Variants in ZMAT4 observed in about 807,000 individuals in gnomAD.
ZMAT4 encodes zinc finger matrin-type protein 4.
A neutral mutation model predicts 28.7 loss-of-function variants in ZMAT4; 17 were observed. The observed-to-expected ratio is 0.59, with a 90% CI of 0.41 to 0.89. ZMAT4 has a LOEUF of 0.89. ZMAT4 is among the 40% of genes least tolerant of loss of function. ZMAT4 has a pLI of 0.00. For synonymous variants in ZMAT4, 117 were observed against 109.2 expected, an observed-to-expected ratio of 1.07 and a Z score of -0.44; for missense variants, 240 against 283.8, an observed-to-expected ratio of 0.85 and a Z score of 1.11.
At chr8:40,670,189 A>G (rs1430169047) in intron 5 of ZMAT4, among the ~76,000 whole-genome samples, 3 of 152,228 alleles carry the variant, frequency 2.0e-5, no homozygotes, top group Non-Finnish European at 4.4e-5. Context: ...GTGCTGGTAT[A>G]AAGACAAAGA....
intron 5 of ZMAT4, among the ~76,000 whole-genome samples, chr8:40,664,035 A>T (rs1300658654): frequency 1.3e-5 from 2 of 152,142 alleles, no homozygotes; most frequent in Non-Finnish European, 2.9e-5. Context: ...GACAGTGGAG[A>T]ATGTGGAGTG....
chr8:40,640,478 C>T (rs79364006), intron 5 of ZMAT4, among the ~76,000 whole-genome samples: 9,288 of 152,226 alleles, frequency 0.061, 704 homozygotes, highest in East Asian at 0.44. Flanking sequence ...AAATGCAGCA[C>T]AAGCAGTGTC....
intron 5 of ZMAT4, among the ~76,000 whole-genome samples, chr8:40,626,752 T>C (rs1806396710): frequency 6.6e-6 from 1 of 152,068 alleles, no homozygotes; most frequent in South Asian, 2.1e-4. Context: ...AAAGCAACAC[T>C]GGGATTGCTA....
chr8:40,558,865 C>G (rs1265923685), intron 6 of ZMAT4, among the ~76,000 whole-genome samples: 1 of 152,080 alleles, frequency 6.6e-6, no homozygotes, highest in Non-Finnish European at 1.5e-5. Flanking sequence ...TTAGACACGA[C>G]AGCCAACCAA....
intron 5 of ZMAT4, among the ~76,000 whole-genome samples, chr8:40,647,361 T>A (rs1807375741): frequency 1.3e-5 from 2 of 152,202 alleles, no homozygotes; most frequent in Non-Finnish European, 1.5e-5. Context: ...TACTGCGCTT[T>A]TCTGACGGGC....
chr8:40,781,901 T>C (rs1586042210), intron 2 of ZMAT4, among the ~76,000 whole-genome samples: 1 of 151,286 alleles, frequency 6.6e-6, no homozygotes, highest in East Asian at 1.9e-4. Flanking sequence ...TGCAAAACAG[T>C]GGAGTTGGAC....
intron 1 of ZMAT4, among the ~76,000 whole-genome samples, chr8:40,866,745 T>C (rs1182396188): frequency 6.6e-6 from 1 of 151,702 alleles, no homozygotes; most frequent in African/African-American, 2.4e-5. Flanking sequence ...ACCCGGGGAG[T>C]CCTCGAGTAA....
intron 3 of ZMAT4, among the ~76,000 whole-genome samples, chr8:40,753,519 T>C (rs1812543522): frequency 6.6e-6 from 1 of 152,214 alleles, no homozygotes; most frequent in African/African-American, 2.4e-5. Flanking sequence ...GTACGATTTT[T>C]AAAAATTAAC....
intron 3 of ZMAT4, among the ~76,000 whole-genome samples, chr8:40,746,272 CCTTT>C (rs1277820028): frequency 0.011 from 982 of 90,282 alleles, 28 homozygotes; most frequent in African/African-American, 0.041. Context: ...TCCCTTCCTT[CCTTT>C]CTTTCTTTCT....
intron 1 of ZMAT4, among the ~76,000 whole-genome samples, chr8:40,887,387 G>A (rs1818495394): frequency 6.6e-6 from 1 of 151,410 alleles, no homozygotes; most frequent in Admixed American, 6.6e-5. Context: ...TACTCGGGAG[G>A]CTGAGACAAG....
At chr8:40,836,640 T>A (rs1207469949) in intron 1 of ZMAT4, among the ~76,000 whole-genome samples, 2 of 152,194 alleles carry the variant, frequency 1.3e-5, no homozygotes, top group Non-Finnish European at 2.9e-5. Flanking sequence ...ATCCTTTTTA[T>A]AAAGTCAAAA....
chr8:40,736,381 C>T (rs1469192339), intron 3 of ZMAT4, among the ~76,000 whole-genome samples: 1 of 152,224 alleles, frequency 6.6e-6, no homozygotes, highest in Non-Finnish European at 1.5e-5. Context: ...TTACCCAGAA[C>T]TCTTGCTTTC....
At chr8:40,613,177 TTTC>T (rs1226541992) in intron 5 of ZMAT4, among the ~76,000 whole-genome samples, 6 of 61,886 alleles carry the variant, frequency 9.7e-5, no homozygotes, top group Non-Finnish European at 2.1e-4. Context: ...TCTTACTTTC[TTTC>T]TTTTTTTTTT....
At chr8:40,719,279 A>G (rs1810980648) in intron 3 of ZMAT4, among the ~76,000 whole-genome samples, 1 of 152,026 alleles carries the variant, frequency 6.6e-6, no homozygotes, top group Admixed American at 6.6e-5. Context: ...TCTCTACTAA[A>G]AATACACAAA....
At chr8:40,696,985 A>G (rs1809916812) in intron 4 of ZMAT4, 1 of 366,160 alleles carries the variant, frequency 2.7e-6, no homozygotes, top group South Asian at 8.2e-5. Context: ...GACAATGCAC[A>G]CAGCTCTTCA....
intron 1 of ZMAT4, among the ~76,000 whole-genome samples, chr8:40,844,923 G>A (rs555823213): frequency 6.6e-6 from 1 of 152,258 alleles, no homozygotes; most frequent in East Asian, 1.9e-4. Flanking sequence ...GGCACCTATT[G>A]ATTGCATTGG....
At chr8:40,699,262 C>A (rs1361734652) in intron 3 of ZMAT4, among the ~76,000 whole-genome samples, 1 of 152,052 alleles carries the variant, frequency 6.6e-6, no homozygotes, top group Non-Finnish European at 1.5e-5. Context: ...AATGAGAGAC[C>A]AAACTTGGTG....
chr8:40,782,783 T>C (rs189092714), intron 2 of ZMAT4, among the ~76,000 whole-genome samples: 1 of 152,260 alleles, frequency 6.6e-6, no homozygotes, highest in East Asian at 1.9e-4. Flanking sequence ...AAATGGTCAA[T>C]AAGTTGATGA....
At chr8:40,778,151 T>A (rs10088685) in intron 2 of ZMAT4, among the ~76,000 whole-genome samples, 142,950 of 152,280 alleles carry the variant, frequency 0.94, 67,596 homozygotes, top group Non-Finnish European at 1. Flanking sequence ...CAAACAAAAT[T>A]GTAGAGTATT....
Sources: allele counts gnomAD v4.1 joint callset (sites outside exome capture counted in the v4.1 genomes callset), GRCh38; gene constraint gnomAD v4.1.1; transcripts MANE v1.5; gene names NCBI Gene and HGNC (gene_info 2026-07-23, HGNC 2026-07-21).